Variants in CFAP53 observed in about 807,000 individuals in gnomAD.
CFAP53 encodes the protein cilia and flagella associated protein 53.
CFAP53 carries 62 observed loss-of-function variants against 59.7 expected under a neutral mutation model. The observed-to-expected ratio is 1.04, with a 90% CI of 0.85 to 1.28. The LOEUF is 1.28. CFAP53 is among the 50% of genes most tolerant of loss of function. The pLI, the probability that CFAP53 is intolerant of heterozygous loss-of-function variation, is 0.00. For synonymous variants in CFAP53, 218 were observed against 205.7 expected (o/e 1.06, Z -0.51); for missense variants, 629 against 615.6 (o/e 1.02, Z -0.23).
chr18:50,250,958 T>G lies in CFAP53; in HGVS notation c.796A>C (p.Ile266Leu), dbSNP rs1426230656. 3.1e-6 allele frequency: 5 copies of G among 1,613,974 alleles called. No homozygotes were observed. The highest frequency in any genetic ancestry group is 1.3e-5 in the African/African-American group (1 of 74,936). The change falls in exon 5 of 8, where the codon ATT (isoleucine) becomes CTT (leucine). Residue 266 changes from isoleucine to leucine, a missense_variant. Physicochemically the swap from Ile to Leu is conservative, Grantham distance 5 (BLOSUM62 2). Transcript: ENST00000398545. ...ATATCCTGTTCATTCTCATGTTTAATCTGTGCGTTGTTACTTTCCTAAGGT... is the reference window on the plus strand; with the variant it reads ...ATATCCTGTTCATTCTCATGTTTAAGCTGTGCGTTGTTACTTTCCTAAGGT... ...ARLVESNNAQ[I>L]KHENEQDMLK...
chr18:50,236,425 C>T (rs1004987152), intron 7 of CFAP53, among the ~76,000 whole-genome samples: 1 of 152,206 alleles, frequency 6.6e-6, no homozygotes, highest in Non-Finnish European at 1.5e-5. Context: ...CTTCTATCTC[C>T]ATCTCCTTGA....
rs575767089 is a variant in CFAP53, at chr18:50,263,053, A to G, written c.70-834T>C. Among the ~76,000 whole-genome samples, 21 of 152,356 alleles carry G rather than the reference A, an allele frequency of 1.4e-4. No homozygotes were observed. The South Asian group carries it at 4.1e-3, about 30-fold the overall frequency. On this transcript the variant is annotated intron_variant, in intron 1 of 7. Transcript: ENST00000398545. ...TACACTTAATGAAATCACATAGCCT[A>G]TATCTTTTTCCTTTCTGTATTCCTA...
At chr18:50,227,955 C>CCTTTTTT (rs2033541924) in intron 7 of CFAP53, among the ~76,000 whole-genome samples, 1 of 90,090 alleles carries the variant, frequency 1.1e-5, no homozygotes, top group African/African-American at 4.4e-5. Context: ...AACTTTTCTC[C>CCTTTTTT]TTTTTTTTTT....
intron 7 of CFAP53, among the ~76,000 whole-genome samples, chr18:50,229,656 A>G (rs1472805614): frequency 2.0e-5 from 3 of 151,996 alleles, no homozygotes; most frequent in Non-Finnish European, 4.4e-5. Flanking sequence ...AGGAAACTCC[A>G]TACTGTTTTC....
chr18:50,239,332 C>A (rs946448702), intron 6 of CFAP53, among the ~76,000 whole-genome samples: 4 of 151,528 alleles, frequency 2.6e-5, no homozygotes, highest in African/African-American at 4.8e-5. Context: ...CCAGCCTGGG[C>A]AACAGAGTGA....
intron 3 of CFAP53, among the ~76,000 whole-genome samples, chr18:50,255,354 T>C (rs1055141244): frequency 1.3e-5 from 2 of 152,190 alleles, no homozygotes; most frequent in African/African-American, 4.8e-5. Context: ...ATGGAATAGT[T>C]CTGTATCTTG....
intron 7 of CFAP53, among the ~76,000 whole-genome samples, chr18:50,237,385 T>TACAC (rs1201647226): frequency 1.5e-4 from 1 of 6,674 alleles, no homozygotes; most frequent in African/African-American, 2.5e-4. Flanking sequence ...CACACACACA[T>TACAC]ACACACACAC....
intron 6 of CFAP53, among the ~76,000 whole-genome samples, chr18:50,239,915 T>C (rs1233545187): frequency 6.6e-6 from 1 of 152,266 alleles, no homozygotes; most frequent in African/African-American, 2.4e-5. Flanking sequence ...AAATTTTCCA[T>C]GTTTTTTCAA....
intron 5 of CFAP53, among the ~76,000 whole-genome samples, chr18:50,244,032 G>A (rs1015222619): frequency 2.0e-5 from 3 of 151,976 alleles, no homozygotes; most frequent in African/African-American, 4.8e-5. Context: ...TACCTTTTAC[G>A]TTCCCCCAGG....
chr18:50,233,425 A>C (rs2033600909), intron 7 of CFAP53, among the ~76,000 whole-genome samples: 1 of 152,186 alleles, frequency 6.6e-6, no homozygotes, highest in Non-Finnish European at 1.5e-5. Flanking sequence ...TGCTTTTATA[A>C]GGGAGGTAGT....
At chr18:50,266,010 G>A (rs761247680) in intron 1 of CFAP53, among the ~76,000 whole-genome samples, 4 of 152,170 alleles carry the variant, frequency 2.6e-5, no homozygotes, top group African/African-American at 9.7e-5. Flanking sequence ...CACTGCATGG[G>A]GGACAGACAT....
rs1218948394 is a variant in CFAP53, at chr18:50,261,159, T to C, written c.378A>G (p.Lys126=). The change falls in exon 3 of 8, where the codon AAA becomes AAG. Residue 126 remains lysine, a synonymous_variant. Transcript: ENST00000398545. ...MQLKKETIEE[K]KDRMREKTKL... is the part of the protein sequence containing the mutation. ...TAGTTTTCTCTCTCATCCTATCTTT[T>C]TTCTCCTCAATGGTTTCTTTCTTCA... 6.3e-7 allele frequency: 1 copy of C among 1,599,378 alleles called. No homozygotes were observed. The highest frequency in any genetic ancestry group is 8.5e-7 in the Non-Finnish European group (1 of 1,176,284).
chr18:50,231,086 T>G (rs942650830), intron 7 of CFAP53, among the ~76,000 whole-genome samples: 1 of 152,144 alleles, frequency 6.6e-6, no homozygotes, highest in South Asian at 2.1e-4. Flanking sequence ...AACTTCTGCT[T>G]AACATCAAAT....
At chr18:50,250,082 G>C (rs1568155909) in intron 5 of CFAP53, among the ~76,000 whole-genome samples, 1 of 151,838 alleles carries the variant, frequency 6.6e-6, no homozygotes, top group Non-Finnish European at 1.5e-5. Flanking sequence ...AGCCAGGCTA[G>C]GTGGTGGATG....
chr18:50,233,350 C>T (rs748282839), intron 7 of CFAP53, among the ~76,000 whole-genome samples: 1 of 152,250 alleles, frequency 6.6e-6, no homozygotes, highest in African/African-American at 2.4e-5. Context: ...TTATCCAATT[C>T]TACTACAGGC....
At position 50,242,882 on chromosome 18, in the gene CFAP53, T is replaced by C. The variant is rs533312855; in HGVS notation, c.1213+18A>G. On this transcript the variant is annotated intron_variant, in intron 6 of 7. Transcript: ENST00000398545. ...AATTAAGGGCAAGCTATAATATAAC[T>C]GTAATTCAGTTCCTTACACTTTTCT... The C allele has an allele frequency of 6.3e-5, 101 of 1,592,858 alleles. No homozygotes were observed. In the South Asian group the frequency reaches 1.1e-3, roughly 17 times the overall value.
intron 3 of CFAP53, among the ~76,000 whole-genome samples, chr18:50,259,921 T>C (rs547844056): frequency 4.4e-4 from 67 of 152,350 alleles, no homozygotes; most frequent in African/African-American, 1.5e-3. Context: ...TGAGGAATTA[T>C]AGTAACATTA....
chr18:50,234,857 A>G (rs2033615976), intron 7 of CFAP53, among the ~76,000 whole-genome samples: 1 of 152,248 alleles, frequency 6.6e-6, no homozygotes, highest in African/African-American at 2.4e-5. Flanking sequence ...GGAATGGTCT[A>G]GGACATTCTG....
chr18:50,265,061 T>C (rs1449237663), intron 1 of CFAP53, among the ~76,000 whole-genome samples: 2 of 152,208 alleles, frequency 1.3e-5, no homozygotes, highest in East Asian at 3.8e-4. Flanking sequence ...CTTTCATCCA[T>C]CAACTGACAT....
Sources: gnomAD v4.1 joint callset for allele counts (sites outside exome capture counted in the v4.1 genomes callset) on GRCh38, gnomAD v4.1.1 for gene constraint, MANE v1.5 for transcripts, NCBI Gene and HGNC (gene_info 2026-07-23, HGNC 2026-07-21) for gene names.